Variants in TPST1 observed in about 807,000 individuals in gnomAD.
The protein encoded by TPST1 is tyrosylprotein sulfotransferase 1, also known as protein-tyrosine sulfotransferase 1.
A neutral mutation model predicts 34.8 loss-of-function variants in TPST1; 20 were observed. That is an observed-to-expected ratio of 0.57 (90% confidence interval 0.40 to 0.84). The LOEUF (loss-of-function observed/expected upper bound fraction) is 0.84. TPST1 is among the 40% of genes least tolerant of loss of function. The pLI is 0.00. For synonymous variants in TPST1, 152 were observed against 159.4 expected, an observed-to-expected ratio of 0.95 and a Z score of 0.35; for missense variants, 353 against 455.5, an observed-to-expected ratio of 0.78 and a Z score of 2.05.
At chr7:66,204,586 G>A (rs1426233840), upstream of TPST1, among the ~76,000 whole-genome samples, 2 of 152,238 alleles carry the variant, frequency 1.3e-5, no homozygotes, top group African/African-American at 4.8e-5. Flanking sequence ...TGTCACTGGA[G>A]TAGAAATAAT....
At chr7:66,255,010 G>T (rs1381784969) in intron 2 of TPST1, among the ~76,000 whole-genome samples, 1 of 151,996 alleles carries the variant, frequency 6.6e-6, no homozygotes, top group Non-Finnish European at 1.5e-5. Flanking sequence ...AGCCGGGCGT[G>T]GTGGCGGGCG....
intron 3 of TPST1, among the ~76,000 whole-genome samples, chr7:66,319,638 T>C (rs1791711295): frequency 6.6e-6 from 1 of 152,246 alleles, no homozygotes; most frequent in Admixed American, 6.5e-5. Flanking sequence ...GTTTGAAAGC[T>C]TGAATAAGTG....
chr7:66,225,418 C>T (rs959169897), intron 1 of TPST1, among the ~76,000 whole-genome samples: 1 of 151,632 alleles, frequency 6.6e-6, no homozygotes, highest in East Asian at 2.0e-4. Flanking sequence ...TCAAGGCCAG[C>T]CTGGGCAACA....
At chr7:66,307,644 G>C (rs756083760) in intron 3 of TPST1, among the ~76,000 whole-genome samples, 2 of 152,176 alleles carry the variant, frequency 1.3e-5, no homozygotes, top group South Asian at 4.1e-4. Flanking sequence ...TGGGAGCAGC[G>C]CTTTATTGGG....
intron 1 of TPST1, among the ~76,000 whole-genome samples, chr7:66,238,788 T>C (rs1789964037): frequency 6.6e-6 from 1 of 152,232 alleles, no homozygotes; most frequent in Non-Finnish European, 1.5e-5. Flanking sequence ...AAATTAACTG[T>C]CACACTTGCC....
chr7:66,348,019 G>T (rs1792390612), intron 3 of TPST1, among the ~76,000 whole-genome samples: 1 of 152,046 alleles, frequency 6.6e-6, no homozygotes. Context: ...AGTATTGAAA[G>T]AAAAACCCCA....
intron 1 of TPST1, among the ~76,000 whole-genome samples, chr7:66,228,971 A>G (rs1789720871): frequency 6.6e-6 from 1 of 152,212 alleles, no homozygotes; most frequent in Non-Finnish European, 1.5e-5. Context: ...TTTGATACAT[A>G]TATTGAGTCA....
At chr7:66,316,783 T>C (rs1791641081) in intron 3 of TPST1, among the ~76,000 whole-genome samples, 1 of 152,246 alleles carries the variant, frequency 6.6e-6, no homozygotes, top group South Asian at 2.1e-4. Context: ...AGTATAAGTA[T>C]GTTCTACATA....
At chr7:66,219,780 T>C (rs1789501236) in intron 1 of TPST1, among the ~76,000 whole-genome samples, 1 of 152,258 alleles carries the variant, frequency 6.6e-6, no homozygotes, top group African/African-American at 2.4e-5. Context: ...TACCATGGTA[T>C]ACAGTCAGAC....
intron 2 of TPST1, among the ~76,000 whole-genome samples, chr7:66,257,144 G>A (rs1321144979): frequency 1.3e-5 from 2 of 151,996 alleles, no homozygotes; most frequent in African/African-American, 2.4e-5. Context: ...ATAGGGTTTC[G>A]CTATGTTGCC....
intron 2 of TPST1, among the ~76,000 whole-genome samples, chr7:66,278,358 C>T (rs541854141): frequency 7.2e-5 from 11 of 151,910 alleles, no homozygotes; most frequent in Non-Finnish European, 1.0e-4. Context: ...GGCTGCCGTG[C>T]GGGTAAGGTA....
rs572854397 is a variant in TPST1, at chr7:66,205,508, C to T, written c.-116C>T. ...ATGCCGTCCAGGCGGCGCGGCGGCT[C>T]CTCACTCATCCCAGGTAAGGGGGAC... On this transcript the variant is annotated 5_prime_UTR_variant, in exon 1 of 6. Coordinates refer to ENST00000304842, the MANE Select transcript of TPST1 (RefSeq NM_003596.4). This position sits in a 1 kb window ranked among gnomAD's most constrained non-coding sequence, Gnocchi z 5.0. The T allele has an allele frequency of 6.6e-6, 1 of 152,664 alleles. No homozygotes were observed. Among genetic ancestry groups the T allele is most frequent in the African/African-American group, 2.4e-5 (1 of 41,572 alleles). 9.5% of individuals were successfully genotyped at this position (152,664 alleles called of 1,614,324 possible).
rs369522428 is a variant in TPST1, at chr7:66,330,157, AAT to A, written c.1045-22345_1045-22344del. 1.7e-3 allele frequency among the ~76,000 whole-genome samples: 262 copies of A among 152,292 alleles called. 1 individual carries two copies. The highest frequency in any genetic ancestry group is 3.4e-3 in the Middle Eastern group (1 of 294). ...CATTTCCTAATCCCTGGGGTCTGTG[AAT>A]ATGTTACCTTATCTGGCAAAAGGAA... On this transcript the variant is annotated intron_variant, in intron 3 of 5. Coordinates refer to ENST00000304842, the MANE Select transcript of TPST1 (RefSeq NM_003596.4).
chr7:66,212,132 C>T (rs543354789), intron 1 of TPST1, among the ~76,000 whole-genome samples: 3 of 152,258 alleles, frequency 2.0e-5, no homozygotes, highest in African/African-American at 7.2e-5. Flanking sequence ...TTAAAATAGA[C>T]TTTATTTCAT....
At chr7:66,328,694 G>A (rs1791921384) in intron 3 of TPST1, among the ~76,000 whole-genome samples, 1 of 150,842 alleles carries the variant, frequency 6.6e-6, no homozygotes, top group Non-Finnish European at 1.5e-5. Context: ...ATAGGCACAT[G>A]CCACAACGCC....
At chr7:66,355,417 G>A (rs1315316092) in intron 4 of TPST1, among the ~76,000 whole-genome samples, 1 of 151,622 alleles carries the variant, frequency 6.6e-6, no homozygotes, top group Non-Finnish European at 1.5e-5. Flanking sequence ...AGAGGTTGAA[G>A]TGAGCTGAGA....
At chr7:66,311,391 G>A (rs1207408565) in intron 3 of TPST1, among the ~76,000 whole-genome samples, 3 of 152,074 alleles carry the variant, frequency 2.0e-5, no homozygotes, top group Non-Finnish European at 4.4e-5. Context: ...CACCTGGCCC[G>A]GCCTCCCAAA....
intron 2 of TPST1, among the ~76,000 whole-genome samples, chr7:66,245,577 A>G (rs887841342): frequency 6.6e-6 from 1 of 152,252 alleles, no homozygotes; most frequent in Non-Finnish European, 1.5e-5. Context: ...AAAGAAGTGC[A>G]CAGATGGTCC....
At position 66,304,956 on chromosome 7, in the gene TPST1, C is replaced by A. The variant is rs79297091; in HGVS notation, c.1044+18247C>A. ...CCTTAGCTTCTTGACTATAGGTGTG[C>A]ACCACCACACCTAGCTAAATTTTTT... On this transcript the variant is annotated intron_variant, in intron 3 of 5. Coordinates refer to ENST00000304842, the MANE Select transcript of TPST1 (RefSeq NM_003596.4). Among the ~76,000 whole-genome samples, 424 of 152,032 alleles carry A rather than the reference C, an allele frequency of 2.8e-3. 17 individuals are homozygous for A. In the East Asian group the frequency reaches 0.076, roughly 27 times the overall value.
Sources: gnomAD v4.1 joint callset for allele counts (sites outside exome capture counted in the v4.1 genomes callset) on GRCh38, gnomAD v4.1.1 for gene constraint, Gnocchi (gnomAD v3.1) non-coding constraint, MANE v1.5 for transcripts, NCBI Gene and HGNC (gene_info 2026-07-23, HGNC 2026-07-21) for gene names.